Variants in KMT2A observed in about 807,000 individuals in gnomAD.
The protein encoded by KMT2A is lysine methyltransferase 2A.
A neutral mutation model predicts 345.3 loss-of-function variants in KMT2A; 16 were observed. That is an observed-to-expected ratio of 0.05 (90% CI 0.03 to 0.07). The LOEUF (loss-of-function observed/expected upper bound fraction) is 0.07. KMT2A is among the 10% of genes least tolerant of loss of function. The probability of loss-of-function intolerance (pLI) is 1.00; values close to 1 mark genes in which losing one functional copy is unlikely to be tolerated. For synonymous variants in KMT2A, 1,599 were observed against 1,778.6 expected, an observed-to-expected ratio of 0.90 and a Z score of 2.54; for missense variants, 3,272 against 4,841.6, an observed-to-expected ratio of 0.68 and a Z score of 9.62.
At chr11:118,516,340 A>G (rs973917768) in intron 31 of KMT2A, among the ~76,000 whole-genome samples, 24 of 152,308 alleles carry the variant, frequency 1.6e-4, no homozygotes, top group African/African-American at 5.8e-4. Context: ...ATGCATATAC[A>G]TAAAGCGAAA....
Position 118,498,544 on chromosome 11 carries a change from T to A in KMT2A, c.5961+16T>A. On this transcript the variant is annotated intron_variant, in intron 22 of 35. Coordinates refer to ENST00000534358, the MANE Select transcript of KMT2A (RefSeq NM_001197104.2). The surrounding 1 kb of genome is among the most constrained non-coding windows in gnomAD (Gnocchi z 4.4). ...CAAAGGCGAAGTGAGAGAGCTTTAG[T>A]TGCTTTAAAAAAAAAAAAAAAGACT... is the stretch of plus-strand genomic sequence containing the variant. 2.6e-6 allele frequency: 4 copies of A among 1,564,380 alleles called. No homozygotes were observed. Among genetic ancestry groups the A allele is most frequent in the Non-Finnish European group, 3.4e-6 (4 of 1,164,464 alleles).
At chr11:118,439,142 T>C in intron 1 of KMT2A, 1 of 444,332 alleles carries the variant, frequency 2.3e-6, no homozygotes, top group Middle Eastern at 3.4e-4. Context: ...TTTTGCTTTT[T>C]TAAAAGATAC....
At position 118,482,471 on chromosome 11, in the gene KMT2A, T is replaced by C. The variant is rs143706780; in HGVS notation, c.4062T>C (p.Pro1354=). 6.2e-7 allele frequency: 1 copy of C among 1,613,130 alleles called. No homozygotes were observed. The highest frequency in any genetic ancestry group is 8.5e-7 in the Non-Finnish European group (1 of 1,179,388). The change falls in exon 8 of 36, where the codon CCT becomes CCC. Residue 1354 remains proline, a synonymous_variant. Transcript: ENST00000534358. ...AAGTGGCTCCCCGCCCAAGTATCCC[T>C]GTAAAACAAAAACCAAAAGAAAAGG... ...QKKVAPRPSI[P]VKQKPKEKEK...
At chr11:118,519,485 C>T (rs1591307689) in intron 31 of KMT2A, 133 bp from the exon 32 acceptor site, 4 of 676,016 alleles carry the variant, frequency 5.9e-6, no homozygotes, top group Middle Eastern at 4.3e-4. Context: ...ATGCTAATTT[C>T]GAGCTAATAT....
At position 118,511,907 on chromosome 11, in the gene KMT2A, C is replaced by T. The variant is rs112584352; in HGVS notation, c.11072-44C>T. 566 of 1,471,732 alleles carry T rather than the reference C, an allele frequency of 3.8e-4. 2 individuals are homozygous for T. In the African/African-American group the frequency reaches 4.7e-3, roughly 12 times the overall value. The allele number at this position is 1,471,732 out of a possible 1,614,324, so 91.2% of individuals were successfully genotyped here. ...CATCATTGGTATTAAGAAGGGTTTA[C>T]GTGCATATTTTCTGGCTTACGGGTT... On this transcript the variant is annotated intron_variant, in intron 30 of 35. Coordinates refer to ENST00000534358, the MANE Select transcript of KMT2A (RefSeq NM_001197104.2).
chr11:118,458,213 A>G (rs540949555), intron 1 of KMT2A: 228 of 346,292 alleles, frequency 6.6e-4, no homozygotes, highest in Non-Finnish European at 1.1e-3. Flanking sequence ...CCTCCCAAGT[A>G]GCTGGGACTA....
At chr11:118,483,566 C>T (rs928542482) in intron 8 of KMT2A, among the ~76,000 whole-genome samples, 8 of 152,174 alleles carry the variant, frequency 5.3e-5, no homozygotes, top group Admixed American at 3.3e-4. Context: ...TAGCCTGTTT[C>T]TTTTTTGGTT....
rs782526178 is a variant in KMT2A, at chr11:118,505,269, G to A, written c.9377G>A (p.Gly3126Glu). The change falls in exon 27 of 36, where the codon GGA becomes GAA. Residue 3126 changes from glycine to glutamate, a missense_variant. By Grantham distance (98) the Gly-to-Glu change is moderately conservative (BLOSUM62 -2). This residue lies in a region of KMT2A where 748 missense variants were observed against 922.2 expected (regional missense o/e 0.81). Transcript: ENST00000534358. The surrounding 1 kb of genome is among the most constrained non-coding windows in gnomAD (Gnocchi z 4.6). The stretch of plus-strand genomic sequence containing the variant: ...ATGGAGACAAATACTTCAGTATTGG[G>A]ACCCATGGGAGGTGGTCTCACCCTT... ...SVMETNTSVL[G>E]PMGGGLTLTT... 1.2e-6 allele frequency: 2 copies of A among 1,614,144 alleles called. No homozygotes were observed. Among genetic ancestry groups the A allele is most frequent in the Non-Finnish European group, 8.5e-7 (1 of 1,179,994 alleles).
intron 1 of KMT2A, among the ~76,000 whole-genome samples, chr11:118,452,802 T>G (rs2134204011): frequency 6.6e-6 from 1 of 152,108 alleles, no homozygotes; most frequent in East Asian, 1.9e-4. Context: ...CCCTGCTAAT[T>G]TTTGTATTTT....
chr11:118,451,881 A>C (rs1949546986), intron 1 of KMT2A, among the ~76,000 whole-genome samples: 1 of 152,182 alleles, frequency 6.6e-6, no homozygotes, highest in Non-Finnish European at 1.5e-5. Context: ...TTGGAAATTG[A>C]TAATCTGAAG....
chr11:118,483,013 A>T (rs1045664517), intron 8 of KMT2A, among the ~76,000 whole-genome samples: 1 of 151,464 alleles, frequency 6.6e-6, no homozygotes, highest in African/African-American at 2.4e-5. Context: ...CAGGCAGATC[A>T]CTTGAGGTCA....
At chr11:118,441,372 A>G (rs1435330899) in intron 1 of KMT2A, among the ~76,000 whole-genome samples, 4 of 152,154 alleles carry the variant, frequency 2.6e-5, no homozygotes, top group African/African-American at 7.2e-5. Context: ...TGTGGAAAAA[A>G]CATAAGGACT....
chr11:118,519,611 C>A lies in KMT2A; in HGVS notation c.11147-7C>A, dbSNP rs782039577. ...CCTCACTTCCCTGGTGCTTCTGATT[C>A]TTCTAGGTGTTAACGGTTTGAGGAT... is the stretch of plus-strand genomic sequence containing the variant. On this transcript the variant is annotated splice_region_variant and splice_polypyrimidine_tract_variant and intron_variant, in intron 31 of 35. Transcript: ENST00000534358. 3 of 1,606,022 alleles carry A rather than the reference C, an allele frequency of 1.9e-6. No individual in the cohort carries two copies.
chr11:118,525,236 C>T lies in KMT2A; in HGVS notation c.*3064C>T, dbSNP rs536899540. On this transcript the variant is annotated 3_prime_UTR_variant, in exon 36 of 36. Transcript: ENST00000534358. ...GAATCCCCCAAGGGGCATCCCAAAT[C>T]CCTGAGGAGTAACAGCTGCAAACCT... 1 of 231,616 alleles carries T rather than the reference C, an allele frequency of 4.3e-6. No homozygotes were observed. The highest frequency in any genetic ancestry group is 5.6e-5 in the Admixed American group (1 of 17,730). 14.3% of individuals were successfully genotyped at this position (231,616 alleles called of 1,614,324 possible).
intron 3 of KMT2A, among the ~76,000 whole-genome samples, chr11:118,475,124 T>G (rs1232643235): frequency 6.6e-6 from 1 of 151,804 alleles, no homozygotes; most frequent in Non-Finnish European, 1.5e-5. Flanking sequence ...ATAGAGTAAG[T>G]CTCTATCTCA....
Position 118,489,851 on chromosome 11 carries a change from C to T in KMT2A, c.4539C>T (p.Asn1513=). The T allele has an allele frequency of 6.2e-7, 1 of 1,614,164 alleles. No homozygotes were observed. Among genetic ancestry groups the T allele is most frequent in the Non-Finnish European group, 8.5e-7 (1 of 1,180,016 alleles). The change falls in exon 12 of 36, where the codon AAC becomes AAT. Residue 1513 remains asparagine (N), a synonymous_variant. Coordinates refer to ENST00000534358, the MANE Select transcript of KMT2A (RefSeq NM_001197104.2). The part of the protein sequence containing the change: ...NSYHPECLGP[N]YPTKPTKKKK... The stretch of plus-strand genomic sequence containing the variant: ...ATCACCCTGAGTGCCTGGGACCAAA[C>T]TACCCCACCAAACCCACAAAGAAGA...
At chr11:118,483,575 T>G (rs1435336464) in intron 8 of KMT2A, among the ~76,000 whole-genome samples, 1 of 152,234 alleles carries the variant, frequency 6.6e-6, no homozygotes, top group Non-Finnish European at 1.5e-5. Context: ...TCTTTTTTGG[T>G]TTCTTCCTTG....
chr11:118,448,666 T>C (rs1949470493), intron 1 of KMT2A: 1 of 152,218 alleles, frequency 6.6e-6, no homozygotes, highest in South Asian at 2.1e-4. Flanking sequence ...TATGAATTCC[T>C]TCTTTCAAGT....
rs1192082087 is a variant in KMT2A at position 118,497,258 on chromosome 11, A to G, written c.5665-678A>G. Among the ~76,000 whole-genome samples the G allele has an allele frequency of 7.2e-5, 11 of 151,986 alleles. No individual in the cohort carries two copies. The highest frequency in any genetic ancestry group is 1.6e-4 in the Non-Finnish European group (11 of 67,994). The stretch of plus-strand genomic sequence containing the variant: ...ACCCCAGGTGATCCACCCACCTCAT[A>G]TCCCAAAGTGGTGGGATTACAGGCG... On this transcript the variant is annotated intron_variant, in intron 20 of 35. Coordinates refer to ENST00000534358, the MANE Select transcript of KMT2A (RefSeq NM_001197104.2). The surrounding 1 kb of genome is among the most constrained non-coding windows in gnomAD (Gnocchi z 4.8).
Sources: allele counts gnomAD v4.1 joint callset (sites outside exome capture counted in the v4.1 genomes callset), GRCh38; gene constraint gnomAD v4.1.1; regional missense constraint gnomAD v4.1.1; non-coding constraint Gnocchi (gnomAD v3.1); transcripts MANE v1.5; gene names NCBI Gene and HGNC (gene_info 2026-07-23, HGNC 2026-07-21).